KCNAB1: variants seen among roughly 807,000 people sequenced by gnomAD.
The protein encoded by KCNAB1 is potassium voltage-gated channel subfamily A regulatory beta subunit 1.
A neutral mutation model predicts 64.6 loss-of-function variants in KCNAB1; 35 were observed. The observed-to-expected ratio is 0.54, with a 90% CI of 0.41 to 0.72. The LOEUF is 0.72. Ranked by LOEUF, KCNAB1 falls within the 30% of genes least tolerant of loss-of-function variation. The pLI is 0.00. For synonymous variants in KCNAB1, 177 were observed against 183.8 expected, an observed-to-expected ratio of 0.96 and a Z score of 0.30; for missense variants, 401 against 512.9, an observed-to-expected ratio of 0.78 and a Z score of 2.11.
At chr3:156,218,786 C>CAAAAAAAAAAAA (rs1228783831) in intron 1 of KCNAB1, among the ~76,000 whole-genome samples, 3 of 92,628 alleles carry the variant, frequency 3.2e-5, no homozygotes, top group Non-Finnish European at 4.3e-5. Flanking sequence ...CCCAGAACAG[C>CAAAAAAAAAAAA]AAAAAAAAAA....
intron 1 of KCNAB1, among the ~76,000 whole-genome samples, chr3:156,269,834 C>T (rs1207526401): frequency 6.6e-6 from 1 of 151,538 alleles, no homozygotes; most frequent in Non-Finnish European, 1.5e-5. Flanking sequence ...TATCTTTTTC[C>T]ATCCTTTATT....
chr3:156,446,282 C>G (rs1261823482), intron 2 of KCNAB1, among the ~76,000 whole-genome samples: 2 of 152,172 alleles, frequency 1.3e-5, no homozygotes, highest in African/African-American at 4.8e-5. Flanking sequence ...TGGGCTTACA[C>G]CTATTTCTTG....
chr3:156,486,299 T>C (rs1186374268), intron 8 of KCNAB1, among the ~76,000 whole-genome samples: 1 of 152,046 alleles, frequency 6.6e-6, no homozygotes, highest in Non-Finnish European at 1.5e-5. Context: ...CTTACCCTAC[T>C]CTCTGTTCAG....
rs534985006 is a variant in KCNAB1, at chr3:156,344,175, C to G, written c.276-77441C>G. 4.6e-5 allele frequency among the ~76,000 whole-genome samples: 7 copies of G among 152,270 alleles called. No individual in the cohort carries two copies. In the East Asian group the frequency reaches 1.4e-3, roughly 29 times the overall value. ...AATATCCTATCATTTGAGCTCAGCT[C>G]TTTCTGGCTAACTTCCTAAAGGATC... On this transcript the variant is annotated intron_variant, in intron 1 of 13. Coordinates refer to ENST00000490337, the MANE Select transcript of KCNAB1 (RefSeq NM_172160.3).
chr3:156,205,004 A>G (rs1483701083), intron 1 of KCNAB1, among the ~76,000 whole-genome samples: 2 of 152,232 alleles, frequency 1.3e-5, no homozygotes, highest in Non-Finnish European at 2.9e-5. Flanking sequence ...GCCAACATGT[A>G]CAACACAAAA....
intron 1 of KCNAB1, among the ~76,000 whole-genome samples, chr3:156,292,572 C>G (rs1376708258): frequency 6.6e-6 from 1 of 152,174 alleles, no homozygotes; most frequent in Non-Finnish European, 1.5e-5. Context: ...GAGTCTCGCT[C>G]TGTTGCCCAG....
chr3:156,334,166 T>A (rs1240727814), intron 1 of KCNAB1, among the ~76,000 whole-genome samples: 1 of 152,230 alleles, frequency 6.6e-6, no homozygotes, highest in Non-Finnish European at 1.5e-5. Flanking sequence ...TTTTGGAATT[T>A]ATTTTGGCAT....
intron 12 of KCNAB1, among the ~76,000 whole-genome samples, chr3:156,529,644 T>C (rs1718561554): frequency 6.6e-6 from 1 of 152,174 alleles, no homozygotes; most frequent in East Asian, 1.9e-4. Flanking sequence ...CTCTGGATGA[T>C]TCTGATGCAT....
chr3:156,528,367 T>C (rs984729194), intron 12 of KCNAB1, among the ~76,000 whole-genome samples: 2 of 152,174 alleles, frequency 1.3e-5, no homozygotes, highest in African/African-American at 4.8e-5. Context: ...CAATCATCCA[T>C]GCCTATGTTT....
chr3:156,211,774 G>A (rs1250527960), intron 1 of KCNAB1, among the ~76,000 whole-genome samples: 1 of 152,172 alleles, frequency 6.6e-6, no homozygotes, highest in African/African-American at 2.4e-5. Context: ...GGAAACTGAG[G>A]GATATGTCTA....
chr3:156,348,162 G>C (rs1178206610), intron 1 of KCNAB1, among the ~76,000 whole-genome samples: 1 of 152,192 alleles, frequency 6.6e-6, no homozygotes, highest in Non-Finnish European at 1.5e-5. Flanking sequence ...CTTTTAGATA[G>C]GGTGATTAGT....
chr3:156,458,050 G>A (rs1374160934), intron 4 of KCNAB1, among the ~76,000 whole-genome samples: 1 of 152,146 alleles, frequency 6.6e-6, no homozygotes, highest in Non-Finnish European at 1.5e-5. Context: ...AAGATTAGAC[G>A]TCAAAGTCAG....
intron 1 of KCNAB1, among the ~76,000 whole-genome samples, chr3:156,245,976 A>T (rs976155105): frequency 2.9e-3 from 19 of 6,656 alleles, no homozygotes; most frequent in Non-Finnish European, 4.2e-3. Context: ...AATATTGGTA[A>T]AAAAAAAAAG....
chr3:156,444,028 A>T (rs907332929), intron 2 of KCNAB1, among the ~76,000 whole-genome samples: 5 of 152,242 alleles, frequency 3.3e-5, no homozygotes, highest in African/African-American at 1.2e-4. Context: ...CACATTTGTC[A>T]ACTCTGGCCA....
At chr3:156,319,862 T>G (rs1027837457) in intron 1 of KCNAB1, among the ~76,000 whole-genome samples, 2 of 152,172 alleles carry the variant, frequency 1.3e-5, no homozygotes, top group African/African-American at 4.8e-5. Flanking sequence ...AACAAAAACT[T>G]AGAAATATAG....
intron 9 of KCNAB1, 101 bp from the exon 10 acceptor site, chr3:156,514,999 G>A (rs1576963194): frequency 1.6e-6 from 2 of 1,219,618 alleles, no homozygotes; most frequent in East Asian, 5.2e-5. Context: ...TTCTTGGTTT[G>A]TACTGATTTC....
At chr3:156,294,985 A>G (rs1177212232) in intron 1 of KCNAB1, among the ~76,000 whole-genome samples, 1 of 152,218 alleles carries the variant, frequency 6.6e-6, no homozygotes, top group Admixed American at 6.5e-5. Flanking sequence ...CAGGAACCTC[A>G]CTCAACTGGT....
rs1311990592 is a variant in KCNAB1, at chr3:156,523,932, C to A, written c.1066C>A (p.Pro356Thr). Reference protein sequence around the residue: ...PIAERLGCTLPQLAVAWCLRN... With the variant: ...PIAERLGCTLTQLAVAWCLRN... ...TGCGGAGCGTCTGGGATGCACACTACCTCAGCTAGCTGTTGGTAAGAAAAT... is the reference window on the plus strand; with the variant it reads ...TGCGGAGCGTCTGGGATGCACACTAACTCAGCTAGCTGTTGGTAAGAAAAT... The change falls in exon 12 of 14, where the codon CCT becomes ACT. Residue 356 changes from proline (P) to threonine (T), a missense_variant. Coordinates refer to ENST00000490337, the MANE Select transcript of KCNAB1 (RefSeq NM_172160.3). The A allele has an allele frequency of 6.2e-7, 1 of 1,613,706 alleles. No homozygotes were observed. The highest frequency in any genetic ancestry group is 1.3e-5 in the African/African-American group (1 of 74,904).
chr3:156,521,054 A>G (rs953240575), intron 11 of KCNAB1, among the ~76,000 whole-genome samples: 2 of 152,222 alleles, frequency 1.3e-5, no homozygotes, highest in African/African-American at 4.8e-5. Flanking sequence ...GCAAAGAAAT[A>G]GGCTTTAGGA....
Sources: gnomAD v4.1 joint callset for allele counts (sites outside exome capture counted in the v4.1 genomes callset) on GRCh38, gnomAD v4.1.1 for gene constraint, MANE v1.5 for transcripts, NCBI Gene and HGNC (gene_info 2026-07-23, HGNC 2026-07-21) for gene names.